The following MEST variants were observed in gnomAD, a reference collection of about 807,000 sequenced individuals.
MEST encodes the protein mesoderm-specific transcript homolog protein.
MEST carries 18 observed loss-of-function variants against 50.9 expected under a neutral mutation model. The observed-to-expected ratio is 0.35, with a 90% confidence interval of 0.24 to 0.52. MEST has a LOEUF of 0.52. Ranked by LOEUF, MEST falls within the 20% of genes least tolerant of loss-of-function variation. The probability of loss-of-function intolerance (pLI) is 0.94; values close to 1 mark genes in which losing one functional copy is unlikely to be tolerated. For missense variants in MEST, 282 were observed against 425.3 expected (o/e 0.66, Z 2.96); for synonymous variants, 130 against 154.1 (o/e 0.84, Z 1.16).
intron 1 of MEST, among the ~76,000 whole-genome samples, chr7:130,493,645 A>G (rs1444361532): frequency 6.6e-6 from 1 of 152,138 alleles, no homozygotes; most frequent in African/African-American, 2.4e-5. Context: ...ACTTTCCCTG[A>G]GCAGCGGCGG....
chr7:130,502,613 T>C (rs1554438740), intron 9 of MEST, 31 bp from the exon 10 acceptor site: 2 of 1,560,346 alleles, frequency 1.3e-6, no homozygotes, highest in East Asian at 2.2e-5. Context: ...AGGTTTCTTG[T>C]TCTGCACATG....
chr7:130,490,992 G>C (rs1798785767), upstream of MEST: 1 of 152,274 alleles, frequency 6.6e-6, no homozygotes, highest in South Asian at 2.1e-4. Context: ...GGCCCGGGCC[G>C]TGCGCAGCCG....
intron 2 of MEST, chr7:130,495,743 G>A: frequency 5.5e-6 from 2 of 363,002 alleles, no homozygotes; most frequent in Non-Finnish European, 9.7e-6. Flanking sequence ...TTTAGTATAA[G>A]TTTTCTTTGT....
chr7:130,492,438 C>A lies in MEST; in HGVS notation c.26+99C>A. 1.8e-6 allele frequency: 2 copies of A among 1,085,972 alleles called. No individual in the cohort carries two copies. The highest frequency in any genetic ancestry group is 2.2e-4 in the Middle Eastern group (1 of 4,520). 67.3% of individuals were successfully genotyped at this position (1,085,972 alleles called of 1,614,324 possible). A position where few individuals can be genotyped will look rare whatever the true frequency, so the allele number is the denominator to read the frequency against. ...GTGCCCGTGTCCGAGCTGGGGCTGCCTCTGGGCGAAAACTCTACCGACAGG... is the reference window on the plus strand; with the variant it reads ...GTGCCCGTGTCCGAGCTGGGGCTGCATCTGGGCGAAAACTCTACCGACAGG... On this transcript the variant is annotated intron_variant, in intron 1 of 11. Coordinates refer to ENST00000223215, the MANE Select transcript of MEST (RefSeq NM_002402.4). This position sits in a 1 kb window ranked among gnomAD's most constrained non-coding sequence, Gnocchi z 7.6.
chr7:130,494,488 G>A (rs1260136555), intron 1 of MEST: 1 of 152,188 alleles, frequency 6.6e-6, no homozygotes, highest in East Asian at 1.9e-4. Flanking sequence ...TCCTGGGCAT[G>A]GGAGGGTTGG....
chr7:130,493,497 T>C (rs1798913945), intron 1 of MEST, among the ~76,000 whole-genome samples: 1 of 152,220 alleles, frequency 6.6e-6, no homozygotes, highest in African/African-American at 2.4e-5. Context: ...ATGGGGGCAT[T>C]TTTACTGAGG....
rs1554437635 is a variant in MEST at position 130,498,240 on chromosome 7, C to G, written c.441C>G (p.Asp147Glu). Residue 147 changes from aspartate (D) to glutamate (E), a missense_variant, in exon 5 of 12, where the codon GAC becomes GAG. By Grantham distance (45) the Asp-to-Glu change is conservative (BLOSUM62 2). Coordinates refer to ENST00000223215, the MANE Select transcript of MEST (RefSeq NM_002402.4). ...QNRRINLLSH[D>E]YGDIVAQELL... Reference sequence around the variant, plus strand: ...GCAGGATCAACCTTCTTTCTCATGACTATGGAGATATTGTTGCTCAGGAGC... The same window carrying G: ...GCAGGATCAACCTTCTTTCTCATGAGTATGGAGATATTGTTGCTCAGGAGC... The G allele has an allele frequency of 6.2e-7, 1 of 1,614,188 alleles. No individual in the cohort carries two copies. Among genetic ancestry groups the G allele is most frequent in the Admixed American group, 1.7e-5 (1 of 60,028 alleles).
At chr7:130,496,675 T>C (rs1799074793) in intron 2 of MEST, 2 of 164,848 alleles carry the variant, frequency 1.2e-5, no homozygotes, top group Middle Eastern at 3.0e-3. Context: ...GGTCTCCTGC[T>C]GAATAAAAAG....
upstream of MEST, chr7:130,491,040 C>T (rs1472884097): frequency 3.9e-5 from 6 of 152,244 alleles, no homozygotes; most frequent in Non-Finnish European, 2.9e-5. This position sits in a 1 kb window ranked among gnomAD's most constrained non-coding sequence, Gnocchi z 6.8. Context: ...ATGCAGCGGG[C>T]ACCGGCCGGC....
intron 10 of MEST, among the ~76,000 whole-genome samples, chr7:130,503,685 AC>A (rs1799362679): frequency 6.6e-6 from 1 of 152,056 alleles, no homozygotes. Flanking sequence ...GGTGTTGCAC[AC>A]CTGTATGTAG....
intron 11 of MEST, 110 bp downstream of exon 11, chr7:130,504,106 T>A (rs1389520642): frequency 7.8e-6 from 6 of 766,308 alleles, no homozygotes; most frequent in Non-Finnish European, 1.3e-5. Context: ...TTAACCTCGC[T>A]GGCTGTTCAT....
At chr7:130,504,474 A>C (rs1047122596) in intron 11 of MEST, among the ~76,000 whole-genome samples, 1 of 152,252 alleles carries the variant, frequency 6.6e-6, no homozygotes, top group Non-Finnish European at 1.5e-5. Flanking sequence ...ATTATGTCAC[A>C]TAAGAATGTT....
At chr7:130,499,820 A>C in intron 6 of MEST, 55 bp from the exon 7 acceptor site, 5 of 612,386 alleles carry the variant, frequency 8.2e-6, no homozygotes, top group Non-Finnish European at 9.4e-6. Context: ...CCGTCTCTAT[A>C]AAAAAAAAAA....
At chr7:130,488,186 TG>T (rs1798680138), upstream of MEST, 1 of 152,176 alleles carries the variant, frequency 6.6e-6, no homozygotes, top group African/African-American at 2.4e-5. Flanking sequence ...GGTCATTCAT[TG>T]TCTTACATGC....
chr7:130,499,921 TACTTCACTGATAG>T lies in MEST; in HGVS notation c.576+9_576+21del, dbSNP rs1799214115. Reference sequence around the variant, plus strand: ...GTCCACTCCTTCTCCAAAAGGTTGGTACTTCACTGATAGACCTTTAGTTTTAGGATTTGTACTG... The same window carrying T: ...GTCCACTCCTTCTCCAAAAGGTTGGTACCTTTAGTTTTAGGATTTGTACTG... On this transcript the variant is annotated splice_region_variant and intron_variant, in intron 7 of 11. Transcript: ENST00000223215. The T allele has an allele frequency of 1.2e-6, 2 of 1,611,434 alleles. No homozygotes were observed. The highest frequency in any genetic ancestry group is 3.4e-5 in the Admixed American group (2 of 59,632).
chr7:130,490,349 G>T (rs148391036), upstream of MEST, among the ~76,000 whole-genome samples: 638 of 152,200 alleles, frequency 4.2e-3, 3 homozygotes, highest in African/African-American at 0.015. Context: ...CCAAACACGC[G>T]GCCCTGAGCC....
intron 10 of MEST, 148 bp downstream of exon 10, chr7:130,502,868 CT>C: frequency 1.6e-6 from 1 of 623,254 alleles, no homozygotes; most frequent in Non-Finnish European, 2.8e-6. Context: ...ACAACAAATG[CT>C]TTTTTAGTAT....
At chr7:130,488,557 C>A (rs74557684), upstream of MEST, 1 of 152,358 alleles carries the variant, frequency 6.6e-6, no homozygotes, top group East Asian at 1.9e-4. Flanking sequence ...AGTTCCCAGC[C>A]CCTTCACATC....
At chr7:130,495,343 C>A in intron 1 of MEST, 25 bp from the exon 2 acceptor site, 1 of 1,583,956 alleles carries the variant, frequency 6.3e-7, no homozygotes, top group South Asian at 1.2e-5. Flanking sequence ...TGACTGCTTA[C>A]AGTGGGTCTC....
Sources: allele counts gnomAD v4.1 joint callset (sites outside exome capture counted in the v4.1 genomes callset), GRCh38; gene constraint gnomAD v4.1.1; non-coding constraint Gnocchi (gnomAD v3.1); transcripts MANE v1.5; gene names NCBI Gene and HGNC (gene_info 2026-07-23, HGNC 2026-07-21).